FAM168A: variants seen among roughly 807,000 people sequenced by gnomAD.
The protein encoded by FAM168A is family with sequence similarity 168 member A.
FAM168A carries 3 observed loss-of-function variants against 28.5 expected under a neutral mutation model. The observed-to-expected ratio is 0.11, with a 90% CI of 0.05 to 0.27. FAM168A has a LOEUF of 0.27. Among genes scored for constraint, FAM168A ranks in the 10% least tolerant of loss-of-function variants. FAM168A has a pLI of 1.00. For synonymous variants in FAM168A, 122 were observed against 124.2 expected (o/e 0.98, Z 0.12); for missense variants, 222 against 311.5 (o/e 0.71, Z 2.16).
chr11:73,422,774 T>C (rs914045038), intron 3 of FAM168A, among the ~76,000 whole-genome samples: 68 of 148,134 alleles, frequency 4.6e-4, no homozygotes, highest in Non-Finnish European at 1.0e-4. Flanking sequence ...CTATATGTTA[T>C]CCCTCAATTA....
chr11:73,559,535 A>G (rs1943932493), intron 1 of FAM168A, among the ~76,000 whole-genome samples: 1 of 152,240 alleles, frequency 6.6e-6, no homozygotes, highest in Non-Finnish European at 1.5e-5. Context: ...GCCAGATGCA[A>G]AAGGCCACAC....
At chr11:73,479,370 T>C (rs564119268) in intron 1 of FAM168A, among the ~76,000 whole-genome samples, 1 of 150,996 alleles carries the variant, frequency 6.6e-6, no homozygotes, top group African/African-American at 2.4e-5. Context: ...GGGAGGATAA[T>C]ACAGGTTTCA....
intron 1 of FAM168A, among the ~76,000 whole-genome samples, chr11:73,497,817 G>A (rs1460260456): frequency 6.6e-6 from 1 of 151,866 alleles, no homozygotes; most frequent in Non-Finnish European, 1.5e-5. Flanking sequence ...CAAGTTAATG[G>A]GTACAGCAAA....
intron 1 of FAM168A, among the ~76,000 whole-genome samples, chr11:73,570,235 C>T (rs1053232720): frequency 6.6e-6 from 1 of 152,184 alleles, no homozygotes; most frequent in African/African-American, 2.4e-5. Flanking sequence ...TACTTCCTTT[C>T]TCTGAGACTC....
At chr11:73,442,840 T>TTC (rs1251447262) in intron 2 of FAM168A, among the ~76,000 whole-genome samples, 3 of 115,852 alleles carry the variant, frequency 2.6e-5, no homozygotes, top group African/African-American at 6.3e-5. Flanking sequence ...CTTTCTTTCT[T>TTC]TTTTTTTTTT....
Position 73,551,807 on chromosome 11 carries a change from G to A in FAM168A, c.-19+46116C>T, listed in dbSNP as rs140240437. The stretch of plus-strand genomic sequence containing the variant: ...AACATGCCAATTTTAAATCCCATCT[G>A]GTTGCATGTTGCAGCTGCCCTGAAT... On this transcript the variant is annotated intron_variant, in intron 1 of 7. Coordinates refer to ENST00000356467, the MANE Select transcript of FAM168A (RefSeq NM_015159.3). Among the ~76,000 whole-genome samples, 335 of 152,298 alleles carry A rather than the reference G, an allele frequency of 2.2e-3. 1 individual carries two copies. Among genetic ancestry groups the A allele is most frequent in the African/African-American group, 7.6e-3 (316 of 41,550 alleles).
chr11:73,422,552 T>G (rs1168692704), intron 3 of FAM168A, among the ~76,000 whole-genome samples: 1 of 152,220 alleles, frequency 6.6e-6, no homozygotes, highest in African/African-American at 2.4e-5. Context: ...AGAGCTCAGT[T>G]GTGGGATGAA....
intron 1 of FAM168A, among the ~76,000 whole-genome samples, chr11:73,571,952 TGGG>T (rs1944096370): frequency 6.8e-6 from 1 of 147,518 alleles, no homozygotes; most frequent in East Asian, 2.1e-4. Flanking sequence ...CGACCCCGTC[TGGG>T]AGGTGAGGAG....
chr11:73,513,029 C>T (rs1855254819), intron 1 of FAM168A, among the ~76,000 whole-genome samples: 1 of 151,904 alleles, frequency 6.6e-6, no homozygotes, highest in Non-Finnish European at 1.5e-5. Flanking sequence ...AAACATCTGC[C>T]GTAAAGTAGT....
At chr11:73,577,329 T>C (rs1428605991) in intron 1 of FAM168A, among the ~76,000 whole-genome samples, 4 of 152,168 alleles carry the variant, frequency 2.6e-5, no homozygotes, top group Non-Finnish European at 5.9e-5. Context: ...TTAACTAATA[T>C]CTGAATTAAA....
intron 1 of FAM168A, among the ~76,000 whole-genome samples, chr11:73,505,068 C>T (rs1169020529): frequency 6.6e-6 from 1 of 151,896 alleles, no homozygotes; most frequent in Non-Finnish European, 1.5e-5. Flanking sequence ...ACCACCATGG[C>T]ACACGTATAC....
intron 3 of FAM168A, among the ~76,000 whole-genome samples, chr11:73,429,012 A>C (rs1413797300): frequency 1.3e-5 from 2 of 152,218 alleles, no homozygotes; most frequent in African/African-American, 4.8e-5. Flanking sequence ...TGTCCAAAAA[A>C]CAGGGGCTGT....
At chr11:73,559,068 T>C (rs1165430598) in intron 1 of FAM168A, among the ~76,000 whole-genome samples, 2 of 152,194 alleles carry the variant, frequency 1.3e-5, no homozygotes, top group Non-Finnish European at 2.9e-5. Context: ...AACTGTAGCA[T>C]ATCTATACAA....
At chr11:73,470,872 G>A (rs772682423) in intron 1 of FAM168A, among the ~76,000 whole-genome samples, 1 of 152,172 alleles carries the variant, frequency 6.6e-6, no homozygotes, top group Non-Finnish European at 1.5e-5. Context: ...TTGCTGATTG[G>A]ACAAAGTACA....
At chr11:73,547,867 A>T (rs79167148) in intron 1 of FAM168A, among the ~76,000 whole-genome samples, 2 of 151,992 alleles carry the variant, frequency 1.3e-5, no homozygotes, top group East Asian at 3.9e-4. Context: ...AAAAAAACAC[A>T]TGGTATATAC....
At chr11:73,480,009 GCTT>G (rs1412386710) in intron 1 of FAM168A, among the ~76,000 whole-genome samples, 1 of 152,084 alleles carries the variant, frequency 6.6e-6, no homozygotes, top group Non-Finnish European at 1.5e-5. Flanking sequence ...GTAGCTGTCT[GCTT>G]CTTCATATTG....
At chr11:73,417,070 A>G (rs1866707085) in intron 4 of FAM168A, among the ~76,000 whole-genome samples, 1 of 152,222 alleles carries the variant, frequency 6.6e-6, no homozygotes, top group Admixed American at 6.5e-5. Flanking sequence ...TCAACATAGT[A>G]GAAGGCAAGG....
At chr11:73,597,103 T>A (rs1450434009) in intron 1 of FAM168A, among the ~76,000 whole-genome samples, 1 of 151,934 alleles carries the variant, frequency 6.6e-6, no homozygotes, top group African/African-American at 2.4e-5. Flanking sequence ...CCACACTCCA[T>A]TTCCATCCCT....
chr11:73,554,758 C>T (rs1033715084), intron 1 of FAM168A, among the ~76,000 whole-genome samples: 55 of 152,136 alleles, frequency 3.6e-4, no homozygotes, highest in African/African-American at 1.3e-3. Flanking sequence ...GGGTGAAATA[C>T]AATGGGAGAG....
Sources: allele counts gnomAD v4.1 joint callset (sites outside exome capture counted in the v4.1 genomes callset), GRCh38; gene constraint gnomAD v4.1.1; transcripts MANE v1.5; gene names NCBI Gene and HGNC (gene_info 2026-07-23, HGNC 2026-07-21).